Variants in PHYKPL observed in about 807,000 individuals in gnomAD.
The protein encoded by PHYKPL is 5-phosphonooxy-L-lysine phospho-lyase.
A neutral mutation model predicts 51.3 loss-of-function variants in PHYKPL; 42 were observed. The observed-to-expected ratio is 0.82, with a 90% confidence interval of 0.64 to 1.06. PHYKPL has a LOEUF of 1.06. Ranked by LOEUF, PHYKPL falls within the 50% of genes least tolerant of loss-of-function variation. The pLI, the probability that PHYKPL is intolerant of heterozygous loss-of-function variation, is 0.00. For missense variants in PHYKPL, 655 were observed against 586.6 expected, an observed-to-expected ratio of 1.12 and a Z score of -1.20; for synonymous variants, 264 against 236.0, an observed-to-expected ratio of 1.12 and a Z score of -1.09.
At chr5:178,212,262 G>A (rs539202680) in intron 11 of PHYKPL, among the ~76,000 whole-genome samples, 15 of 152,328 alleles carry the variant, frequency 9.8e-5, no homozygotes, top group Admixed American at 3.3e-4. Context: ...TCCAATTTGT[G>A]TCTAGCAGGG....
At chr5:178,211,515 G>T in intron 12 of PHYKPL, 1 of 205,154 alleles carries the variant, frequency 4.9e-6, no homozygotes. Flanking sequence ...GTCTGAATTG[G>T]GGCACAATAG....
chr5:178,213,046 C>T lies in PHYKPL; in HGVS notation c.1230G>A (p.Lys410=), dbSNP rs1758961769. The change falls in exon 11 of 13, where the codon AAG becomes AAA. Residue 410 remains lysine (K), a synonymous_variant. Transcript: ENST00000308158. Reference sequence around the variant, plus strand: ...GGCTGAAGCACATTGGGGGCTTAAACTTCAGGATGTTCCTCCCAGGGCCAT... The same window carrying T: ...GGCTGAAGCACATTGGGGGCTTAAATTTCAGGATGTTCCTCCCAGGGCCAT... ...STDGPGRNIL[K]FKPPMCFSLD... 1 of 1,614,246 alleles carries T rather than the reference C, an allele frequency of 6.2e-7. No homozygotes were observed.
At chr5:178,209,612 G>A (rs1324441503) in intron 12 of PHYKPL, among the ~76,000 whole-genome samples, 1 of 152,212 alleles carries the variant, frequency 6.6e-6, no homozygotes, top group Non-Finnish European at 1.5e-5. Flanking sequence ...CTGTATGCTT[G>A]AGGCTGTTGC....
rs781761949 is a variant in PHYKPL, at chr5:178,213,038, G to T, written c.1238C>A (p.Pro413His). 1.2e-6 allele frequency: 2 copies of T among 1,614,198 alleles called. No homozygotes were observed. Among genetic ancestry groups the T allele is most frequent in the Non-Finnish European group, 1.7e-6 (2 of 1,180,026 alleles). Residue 413 changes from proline to histidine, a missense_variant, in exon 11 of 13, where the codon CCC (proline) becomes CAC (histidine). Physicochemically the swap from Pro to His is moderately conservative, Grantham distance 77 (BLOSUM62 -2). Coordinates refer to ENST00000308158, the MANE Select transcript of PHYKPL (RefSeq NM_153373.4). ...GPGRNILKFK[P>H]PMCFSLDNAR... Reference sequence around the variant, plus strand: ...ATTGTCCAGGCTGAAGCACATTGGGGGCTTAAACTTCAGGATGTTCCTCCC... The same window carrying T: ...ATTGTCCAGGCTGAAGCACATTGGGTGCTTAAACTTCAGGATGTTCCTCCC...
chr5:178,223,007 C>G, intron 6 of PHYKPL, 73 bp from the exon 7 acceptor site: 1 of 1,436,074 alleles, frequency 7.0e-7, no homozygotes. Flanking sequence ...CCTGCTAGTG[C>G]TGGCTTAGTC....
At chr5:178,228,082 C>T (rs542432437) in intron 3 of PHYKPL, 11 of 172,200 alleles carry the variant, frequency 6.4e-5, no homozygotes, top group Non-Finnish European at 1.2e-4. Flanking sequence ...TCAGATGTCA[C>T]AGGGGCAGTT....
chr5:178,222,628 A>G, intron 7 of PHYKPL, 48 bp from the exon 8 acceptor site: 1 of 1,594,770 alleles, frequency 6.3e-7, no homozygotes, highest in Non-Finnish European at 8.6e-7. Flanking sequence ...TGAGAGGGAT[A>G]AGATCAGGAC....
Position 178,211,911 on chromosome 5 carries a change from C to T in PHYKPL, c.*10G>A. The T allele has an allele frequency of 5.0e-6, 8 of 1,614,034 alleles. No individual in the cohort carries two copies. The highest frequency in any genetic ancestry group is 1.1e-5 in the South Asian group (1 of 91,066). On this transcript the variant is annotated 3_prime_UTR_variant, in exon 12 of 13. Coordinates refer to ENST00000308158, the MANE Select transcript of PHYKPL (RefSeq NM_153373.4). Reference sequence around the variant, plus strand: ...TCACCTGGAGTACACTTAGGCAGAGCAGGGCTGGCTTAGGGCTGGAGCCTC... The same window carrying T: ...TCACCTGGAGTACACTTAGGCAGAGTAGGGCTGGCTTAGGGCTGGAGCCTC...
At chr5:178,229,917 G>C (rs917420748) in intron 3 of PHYKPL, 23 bp downstream of exon 3, 29 of 1,609,158 alleles carry the variant, frequency 1.8e-5, no homozygotes, top group African/African-American at 2.7e-5. Context: ...CCTCTTCCCG[G>C]GGGCTGGCCA....
At chr5:178,224,762 C>T (rs754688578) in intron 4 of PHYKPL, 33 bp from the exon 5 acceptor site, 37 of 1,547,872 alleles carry the variant, frequency 2.4e-5, no homozygotes, top group South Asian at 6.9e-5. Flanking sequence ...GGCTCGGGTC[C>T]GGGCAGCACC....
At chr5:178,232,462 C>A (rs138665724) in intron 1 of PHYKPL, 30 bp downstream of exon 1, 122,929 of 1,358,452 alleles carry the variant, frequency 0.09, 9,207 homozygotes, top group African/African-American at 0.4. Flanking sequence ...CAGCCCCGCG[C>A]CCCCCGCCGC....
At chr5:178,231,055 A>G (rs1763294081) in intron 2 of PHYKPL, 1 of 213,848 alleles carries the variant, frequency 4.7e-6, no homozygotes, top group Admixed American at 5.3e-5. Flanking sequence ...CTTGCCTAGC[A>G]CCTGAGATGG....
Position 178,211,808 on chromosome 5 carries a change from G to A in PHYKPL, c.*31+82C>T, listed in dbSNP as rs975609584. On this transcript the variant is annotated intron_variant, in intron 12 of 12. Coordinates refer to ENST00000308158, the MANE Select transcript of PHYKPL (RefSeq NM_153373.4). ...GAACAAAAAAAAGTCTTAAAAAAAG[G>A]CTCAGCTTGCCGAGGCTGCTTGCTG... 3 of 966,436 alleles carry A rather than the reference G, an allele frequency of 3.1e-6. No homozygotes were observed. In the African/African-American group the frequency reaches 4.9e-5, roughly 16 times the overall value. 59.9% of individuals were successfully genotyped at this position (966,436 alleles called of 1,614,324 possible).
rs188790810 is a variant in PHYKPL at position 178,230,310 on chromosome 5, C to T, written c.179-211G>A. On this transcript the variant is annotated intron_variant, in intron 2 of 12. Coordinates refer to ENST00000308158, the MANE Select transcript of PHYKPL (RefSeq NM_153373.4). ...CCTGAGATTCTGGCAGAAGGAAAGC[C>T]GCTTCAGCAGAAGAACCCTGTCTAG... is the stretch of plus-strand genomic sequence containing the variant. 247 of 573,060 alleles carry T rather than the reference C, an allele frequency of 4.3e-4. 1 individual carries two copies. The highest frequency in any genetic ancestry group is 2.5e-3 in the South Asian group (110 of 44,674). The allele number at this position is 573,060 out of a possible 1,614,324, so 35.5% of individuals were successfully genotyped here. A position where few individuals can be genotyped will look rare whatever the true frequency, so the allele number is the denominator to read the frequency against.
chr5:178,210,206 C>T (rs1375806384), intron 12 of PHYKPL: 6 of 1,612,452 alleles, frequency 3.7e-6, no homozygotes, highest in Non-Finnish European at 3.4e-6. Flanking sequence ...GGGCTACGGG[C>T]CTGGCTATGG....
chr5:178,215,408 C>T lies in PHYKPL; in HGVS notation c.950G>A (p.Cys317Tyr). ...FNTFGGSPVS[C>Y]AVGLAVLNVL... ...ATTCAGGACGGCCAGCCCCACAGCGCAGGACACTGGGCTGCCCCCAAACTG... is the reference window on the plus strand; with the variant it reads ...ATTCAGGACGGCCAGCCCCACAGCGTAGGACACTGGGCTGCCCCCAAACTG... The change falls in exon 9 of 13, where the codon TGC (cysteine) becomes TAC (tyrosine). Residue 317 changes from cysteine (C) to tyrosine (Y), a missense_variant. Physicochemically the swap from Cys to Tyr is radical, Grantham distance 194. Coordinates refer to ENST00000308158, the MANE Select transcript of PHYKPL (RefSeq NM_153373.4). 1 of 1,613,598 alleles carries T rather than the reference C, an allele frequency of 6.2e-7. No individual in the cohort carries two copies. The highest frequency in any genetic ancestry group is 2.2e-5 in the East Asian group (1 of 44,880).
At chr5:178,231,991 G>A in intron 1 of PHYKPL, 1 of 1,207,996 alleles carries the variant, frequency 8.3e-7, no homozygotes. Context: ...AGTGGGAGGC[G>A]ACCTCACCCA....
intron 12 of PHYKPL, chr5:178,209,576 G>A (rs1373227990): frequency 5.3e-6 from 4 of 756,602 alleles, no homozygotes; most frequent in Middle Eastern, 2.8e-4. Flanking sequence ...GGGACGAACA[G>A]GAATAGGAAC....
At chr5:178,228,423 C>T in intron 3 of PHYKPL, 1 of 647,102 alleles carries the variant, frequency 1.5e-6, no homozygotes, top group South Asian at 1.7e-5. Context: ...GATTTGGCAA[C>T]ATGGAAGTCC....
Sources: gnomAD v4.1 joint callset for allele counts (sites outside exome capture counted in the v4.1 genomes callset) on GRCh38, gnomAD v4.1.1 for gene constraint, MANE v1.5 for transcripts, NCBI Gene and HGNC (gene_info 2026-07-23, HGNC 2026-07-21) for gene names.